Variants in LNX2 observed in about 807,000 individuals in gnomAD.
LNX2 encodes ligand of numb-protein X 2, also known as ligand of Numb protein X 2.
A neutral mutation model predicts 66.2 loss-of-function variants in LNX2; 35 were observed. That is an observed-to-expected ratio of 0.53 (90% CI 0.40 to 0.70). The LOEUF is 0.70. Ranked by LOEUF, LNX2 falls within the 30% of genes least tolerant of loss-of-function variation. The pLI, the probability that LNX2 is intolerant of heterozygous loss-of-function variation, is 0.00. For missense variants in LNX2, 791 were observed against 850.8 expected (o/e 0.93, Z 0.87); for synonymous variants, 337 against 315.6 (o/e 1.07, Z -0.72).
chr13:27,586,953 A>G (rs182008050), intron 1 of LNX2, among the ~76,000 whole-genome samples: 17 of 152,296 alleles, frequency 1.1e-4, no homozygotes, highest in Admixed American at 1.1e-3. Context: ...GGTTTAAGGG[A>G]TAAGAATATC....
At chr13:27,595,783 C>A (rs1392636533) in intron 1 of LNX2, among the ~76,000 whole-genome samples, 5 of 152,112 alleles carry the variant, frequency 3.3e-5, no homozygotes, top group Non-Finnish European at 7.4e-5. Flanking sequence ...TCTCTTGTAC[C>A]TGGATATTAT....
intron 9 of LNX2, 109 bp downstream of exon 9, chr13:27,550,224 A>G (rs1290396749): frequency 6.9e-5 from 68 of 979,600 alleles, no homozygotes; most frequent in East Asian, 6.8e-4. Flanking sequence ...ATGAAACTTT[A>G]TTTTCAAAAA....
At chr13:27,609,470 T>C (rs1324137573) in intron 1 of LNX2, among the ~76,000 whole-genome samples, 1 of 152,192 alleles carries the variant, frequency 6.6e-6, no homozygotes, top group Non-Finnish European at 1.5e-5. Flanking sequence ...GTGATTCTTT[T>C]TGAAGACAAA....
At chr13:27,571,916 C>G (rs1955285571) in intron 2 of LNX2, among the ~76,000 whole-genome samples, 1 of 152,142 alleles carries the variant, frequency 6.6e-6, no homozygotes, top group Non-Finnish European at 1.5e-5. Flanking sequence ...TCATTAAATC[C>G]TCACAATTAC....
chr13:27,582,121 C>T (rs1393551789), intron 1 of LNX2, among the ~76,000 whole-genome samples: 1 of 152,130 alleles, frequency 6.6e-6, no homozygotes, highest in East Asian at 1.9e-4. Flanking sequence ...CCTCTGCCTT[C>T]CAGGCTCAAG....
chr13:27,577,896 G>A lies in LNX2; in HGVS notation c.407+3401C>T, dbSNP rs138489848. 4.1e-3 allele frequency among the ~76,000 whole-genome samples: 625 copies of A among 152,248 alleles called. 1 individual carries two copies. Among genetic ancestry groups the A allele is most frequent in the Non-Finnish European group, 7.2e-3 (492 of 68,010 alleles). On this transcript the variant is annotated intron_variant, in intron 2 of 9. Transcript: ENST00000316334. ...GGAGGAATGCTATATAGCTGATGTT[G>A]CTTGGCAGAATTTCAAAGAAACAAT...
At chr13:27,601,517 G>A (rs537200628) in intron 1 of LNX2, among the ~76,000 whole-genome samples, 2 of 152,158 alleles carry the variant, frequency 1.3e-5, no homozygotes, top group East Asian at 3.9e-4. Flanking sequence ...CCTCAAATAA[G>A]GCTATGATTT....
At chr13:27,556,572 C>A (rs965283379) in intron 6 of LNX2, among the ~76,000 whole-genome samples, 159 bp from the exon 7 acceptor site, 8 of 152,064 alleles carry the variant, frequency 5.3e-5, no homozygotes, top group Non-Finnish European at 1.2e-4. Flanking sequence ...CTTAATAAGT[C>A]TGCTGTGGAT....
In LNX2 at chr13:27,553,340, G is replaced by A. The variant is rs1404295643; in HGVS notation, c.1646C>T (p.Ala549Val). The change falls in exon 8 of 10, where the codon GCC becomes GTC. Residue 549 changes from alanine (A) to valine (V), a missense_variant. Coordinates refer to ENST00000316334, the MANE Select transcript of LNX2 (RefSeq NM_153371.4). ...LKASAASPAV[A>V]LKALEVQIVE... ...AATCTGGACCTCAAGTGCTTTAAGG[G>A]CAACAGCAGGGGACGCGGCACTGGC... 1 of 1,614,160 alleles carries A rather than the reference G, an allele frequency of 6.2e-7. No homozygotes were observed. Among genetic ancestry groups the A allele is most frequent in the Non-Finnish European group, 8.5e-7 (1 of 1,180,028 alleles).
intron 1 of LNX2, among the ~76,000 whole-genome samples, chr13:27,612,974 C>G (rs1360896548): frequency 1.3e-5 from 2 of 152,174 alleles, no homozygotes; most frequent in African/African-American, 2.4e-5. Flanking sequence ...ATCCTTGGCT[C>G]AGTGTCAGAG....
chr13:27,578,352 C>G (rs927067237), intron 2 of LNX2, among the ~76,000 whole-genome samples: 1 of 152,198 alleles, frequency 6.6e-6, no homozygotes, highest in Non-Finnish European at 1.5e-5. Flanking sequence ...ATGAAACTTA[C>G]AGACTTACCA....
intron 1 of LNX2, among the ~76,000 whole-genome samples, chr13:27,594,933 C>T (rs1347584580): frequency 3.3e-5 from 5 of 152,144 alleles, no homozygotes; most frequent in South Asian, 2.1e-4. Flanking sequence ...TCCTACCTTC[C>T]GTCACAACAC....
chr13:27,583,020 C>T (rs943852568), intron 1 of LNX2, among the ~76,000 whole-genome samples: 6 of 151,906 alleles, frequency 3.9e-5, no homozygotes, highest in Admixed American at 1.3e-4. Context: ...TAAATAACAG[C>T]GCAAATGCTG....
At chr13:27,572,231 T>C (rs556600620) in intron 2 of LNX2, among the ~76,000 whole-genome samples, 4 of 152,236 alleles carry the variant, frequency 2.6e-5, no homozygotes, top group African/African-American at 7.2e-5. Flanking sequence ...TAAAAACCTA[T>C]CCATCTTTGG....
At chr13:27,590,224 T>C (rs1224047610) in intron 1 of LNX2, among the ~76,000 whole-genome samples, 9 of 151,932 alleles carry the variant, frequency 5.9e-5, no homozygotes, top group Admixed American at 5.9e-4. Context: ...GTTGGTTTTT[T>C]ATTTTTATTT....
At chr13:27,583,923 A>G (rs997853287) in intron 1 of LNX2, among the ~76,000 whole-genome samples, 2 of 151,418 alleles carry the variant, frequency 1.3e-5, no homozygotes, top group Non-Finnish European at 3.0e-5. Context: ...TTCAAAAGGG[A>G]AAAAAAAACA....
intron 1 of LNX2, among the ~76,000 whole-genome samples, chr13:27,610,410 C>T (rs1955760111): frequency 1.3e-5 from 2 of 152,190 alleles, no homozygotes; most frequent in African/African-American, 2.4e-5. Flanking sequence ...TATTTCAGAC[C>T]TTTCCCTCTC....
intron 1 of LNX2, among the ~76,000 whole-genome samples, chr13:27,583,188 G>A (rs1322230854): frequency 0.05 from 372 of 7,486 alleles, 30 homozygotes; most frequent in Non-Finnish European, 0.076. Flanking sequence ...GTGTGTGTGT[G>A]TGTGTGTGTG....
rs1955432613 is a variant in LNX2 at position 27,583,228 on chromosome 13, GT to G, written c.-100-1426del. On this transcript the variant is annotated intron_variant, in intron 1 of 9. Coordinates refer to ENST00000316334, the MANE Select transcript of LNX2 (RefSeq NM_153371.4). ...TGTGTGTGTGTGTGTGTGTGTGTGTGTGTGTGTGTGTGTGTGTGTGTGTGTG... is the reference window on the plus strand; with the variant it reads ...TGTGTGTGTGTGTGTGTGTGTGTGTGGTGTGTGTGTGTGTGTGTGTGTGTG... Among the ~76,000 whole-genome samples the G allele has an allele frequency of 1.1e-4, 3 of 27,836 alleles. 1 individual carries two copies. The highest frequency in any genetic ancestry group is 2.0e-4 in the Non-Finnish European group (3 of 15,140). The allele number at this position is 27,836 out of a possible 152,430, so 18.3% of individuals were successfully genotyped here.
Sources: gnomAD v4.1 joint callset for allele counts (sites outside exome capture counted in the v4.1 genomes callset) on GRCh38, gnomAD v4.1.1 for gene constraint, MANE v1.5 for transcripts, NCBI Gene and HGNC (gene_info 2026-07-23, HGNC 2026-07-21) for gene names.